The following CCDC66 variants were observed in gnomAD, a reference collection of about 807,000 sequenced individuals.
CCDC66 encodes coiled-coil domain-containing protein 66.
CCDC66 carries 133 observed loss-of-function variants against 128.3 expected under a neutral mutation model. The observed-to-expected ratio is 1.04, with a 90% CI of 0.90 to 1.20. The LOEUF (loss-of-function observed/expected upper bound fraction) is 1.20. Among genes scored for constraint, CCDC66 ranks in the 50% most tolerant of loss-of-function variants. The probability of loss-of-function intolerance (pLI) is 0.00; values close to 1 mark genes in which losing one functional copy is unlikely to be tolerated. For synonymous variants in CCDC66, 387 were observed against 357.0 expected, an observed-to-expected ratio of 1.08 and a Z score of -0.95; for missense variants, 1,126 against 1,075.5, an observed-to-expected ratio of 1.05 and a Z score of -0.66.
chr3:56,619,281 TCAC>T lies in CCDC66; in HGVS notation c.2392_2394del (p.Pro798del), dbSNP rs1358687136. 12 of 1,593,970 alleles carry T rather than the reference TCAC, an allele frequency of 7.5e-6. No homozygotes were observed. Among genetic ancestry groups the T allele is most frequent in the African/African-American group, 1.4e-5 (1 of 73,672 alleles). On this transcript the variant is annotated inframe_deletion, in exon 16 of 18. Coordinates refer to ENST00000394672, the MANE Select transcript of CCDC66 (RefSeq NM_001141947.3). ...TTTTTTTTTAAATAGGTCTCCATCA[TCAC>T]CAGTTCCAGTAGTGAAAAACAGAAC...
intron 14 of CCDC66, 180 bp downstream of exon 14, chr3:56,617,785 A>C (rs918575726): frequency 1.5e-6 from 1 of 661,184 alleles, no homozygotes; most frequent in Non-Finnish European, 2.5e-6. Context: ...ATACGAACAT[A>C]GTCAACTCAT....
intron 7 of CCDC66, among the ~76,000 whole-genome samples, chr3:56,572,021 C>T (rs1017229198): frequency 2.0e-5 from 3 of 152,152 alleles, no homozygotes; most frequent in Admixed American, 6.5e-5. Context: ...GGGCCTGGCT[C>T]ATATGGTATT....
intron 10 of CCDC66, among the ~76,000 whole-genome samples, chr3:56,603,445 A>T (rs373504763): frequency 6.6e-6 from 1 of 152,056 alleles, no homozygotes; most frequent in East Asian, 1.9e-4. Context: ...TTCCCTGTAA[A>T]CACTGCTTTA....
chr3:56,558,660 C>T, intron 1 of CCDC66, 186 bp from the exon 2 acceptor site: 3 of 607,088 alleles, frequency 4.9e-6, no homozygotes, highest in Non-Finnish European at 8.9e-6. Flanking sequence ...AGAATTTTCC[C>T]CCTGTAGTTG....
chr3:56,621,159 C>CA (rs370427287), intron 17 of CCDC66: 7,269 of 142,522 alleles, frequency 0.051, 186 homozygotes, highest in East Asian at 0.1. Flanking sequence ...ACTCCATCTC[C>CA]AAAAAAAAAC....
chr3:56,590,714 G>A (rs1559690615), intron 7 of CCDC66, among the ~76,000 whole-genome samples: 1 of 151,598 alleles, frequency 6.6e-6, no homozygotes, highest in Admixed American at 6.6e-5. Flanking sequence ...AGCCGTGATT[G>A]TGCACTCCAG....
intron 10 of CCDC66, among the ~76,000 whole-genome samples, chr3:56,597,730 T>G (rs891185391): frequency 1.3e-5 from 2 of 150,766 alleles, no homozygotes; most frequent in African/African-American, 4.9e-5. Context: ...TTACTGAATT[T>G]ATTGATCAGA....
At chr3:56,618,077 CCTCAGA>C in intron 14 of CCDC66, 89 bp from the exon 15 acceptor site, 1 of 966,530 alleles carries the variant, frequency 1.0e-6, no homozygotes, top group South Asian at 1.3e-5. Flanking sequence ...CAAATATTAC[CCTCAGA>C]CTATTTCAAC....
intron 7 of CCDC66, among the ~76,000 whole-genome samples, chr3:56,584,948 C>G (rs919558693): frequency 6.6e-6 from 1 of 151,906 alleles, no homozygotes; most frequent in African/African-American, 2.4e-5. Context: ...GAAAACCAGT[C>G]AGGCGTGGCG....
intron 7 of CCDC66, chr3:56,572,205 A>T: frequency 2.4e-6 from 1 of 412,854 alleles, no homozygotes; most frequent in Non-Finnish European, 4.6e-6. Context: ...GTAAGTGTTT[A>T]GTTATCAAAT....
chr3:56,592,832 C>T (rs577907540), intron 7 of CCDC66, 138 bp from the exon 8 acceptor site: 12 of 745,970 alleles, frequency 1.6e-5, no homozygotes, highest in East Asian at 1.1e-4. Context: ...AATTCAAATT[C>T]GTTTGAAGTT....
intron 11 of CCDC66, among the ~76,000 whole-genome samples, chr3:56,614,327 C>T (rs2075234376): frequency 6.6e-6 from 1 of 152,092 alleles, no homozygotes. Context: ...TTTATCTACT[C>T]CTAGTTTTTT....
intron 12 of CCDC66, among the ~76,000 whole-genome samples, chr3:56,615,702 G>T (rs2075406830): frequency 6.6e-6 from 1 of 151,966 alleles, no homozygotes; most frequent in South Asian, 2.1e-4. Flanking sequence ...AAAATAATAG[G>T]TAAAATGTGT....
intron 11 of CCDC66, among the ~76,000 whole-genome samples, chr3:56,614,579 C>CACCTA (rs1327326806): frequency 1.3e-5 from 2 of 152,058 alleles, no homozygotes; most frequent in African/African-American, 4.8e-5. Context: ...GGTGGTGGTA[C>CACCTA]CATATTTGAG....
At chr3:56,573,897 T>G (rs536012608) in intron 7 of CCDC66, among the ~76,000 whole-genome samples, 199 of 120,994 alleles carry the variant, frequency 1.6e-3, no homozygotes, top group Non-Finnish European at 2.9e-3. Flanking sequence ...CATGTGTATC[T>G]TTTTTTAAAT....
chr3:56,613,138 G>T (rs1365618105), intron 10 of CCDC66, among the ~76,000 whole-genome samples: 1 of 152,198 alleles, frequency 6.6e-6, no homozygotes, highest in Non-Finnish European at 1.5e-5. Context: ...CCATGCTACA[G>T]TTCCTTAGGT....
At position 56,575,644 on chromosome 3, in the gene CCDC66, A is replaced by C. The variant is rs1328520927; in HGVS notation, c.936+4342A>C. 1.7e-4 allele frequency among the ~76,000 whole-genome samples: 26 copies of C among 151,806 alleles called. 2 individuals are homozygous for C. The Admixed American group carries it at 1.7e-3, about 10-fold the overall frequency. On this transcript the variant is annotated intron_variant, in intron 7 of 17. Coordinates refer to ENST00000394672, the MANE Select transcript of CCDC66 (RefSeq NM_001141947.3). ...TTGTTGCCTGTGTTTTTAATGTCCTATCAAAGAAATCATTGCCAAGTCTGA... is the reference window on the plus strand; with the variant it reads ...TTGTTGCCTGTGTTTTTAATGTCCTCTCAAAGAAATCATTGCCAAGTCTGA...
chr3:56,569,417 C>G, intron 6 of CCDC66: 1 of 252,644 alleles, frequency 4.0e-6, no homozygotes, highest in African/African-American at 2.2e-5. Context: ...AGGCATTTTA[C>G]ATGGCAAGAG....
intron 10 of CCDC66, among the ~76,000 whole-genome samples, chr3:56,597,554 C>T (rs1400047961): frequency 6.6e-6 from 1 of 151,850 alleles, no homozygotes; most frequent in African/African-American, 2.4e-5. Flanking sequence ...TTTATTTCAT[C>T]TGTTTTGTAG....
Sources: allele counts gnomAD v4.1 joint callset (sites outside exome capture counted in the v4.1 genomes callset), GRCh38; gene constraint gnomAD v4.1.1; transcripts MANE v1.5; gene names NCBI Gene and HGNC (gene_info 2026-07-23, HGNC 2026-07-21).